The following ANKRD11 variants were observed in gnomAD, a reference collection of about 807,000 sequenced individuals.
ANKRD11 encodes the protein ankyrin repeat domain-containing protein 11.
ANKRD11 carries 17 observed loss-of-function variants against 195.7 expected under a neutral mutation model. The observed-to-expected ratio is 0.09, with a 90% confidence interval of 0.06 to 0.13. The LOEUF (loss-of-function observed/expected upper bound fraction) is 0.13. Among genes scored for constraint, ANKRD11 ranks in the 10% least tolerant of loss-of-function variants. ANKRD11 has a pLI of 1.00. For missense variants in ANKRD11, 3,735 were observed against 3,566.1 expected, an observed-to-expected ratio of 1.05 and a Z score of -1.21; for synonymous variants, 1,953 against 1,528.1, an observed-to-expected ratio of 1.28 and a Z score of -6.49.
intron 1 of ANKRD11, among the ~76,000 whole-genome samples, chr16:89,441,754 G>A (rs927619142): frequency 1.8e-4 from 19 of 106,558 alleles, no homozygotes; most frequent in African/African-American, 2.3e-4. Context: ...GCAACAGAGC[G>A]AGACTCCGCC....
At chr16:89,443,405 G>C (rs1392249595) in intron 1 of ANKRD11, 4 of 152,080 alleles carry the variant, frequency 2.6e-5, no homozygotes, top group Non-Finnish European at 2.9e-5. Flanking sequence ...ATGCAAATTT[G>C]TGAAGCATTC....
rs1397864419 is a variant in ANKRD11 at position 89,337,650 on chromosome 16, C to T, written c.-59-20572G>A. ...AGAGATGGGGTTTCACCGTGTTAGC[C>T]AGGATGGTCTCAATCTCCTGACCTC... On this transcript the variant is annotated intron_variant, in intron 2 of 12. Coordinates refer to ENST00000301030, the MANE Select transcript of ANKRD11 (RefSeq NM_013275.6). 2.0e-5 allele frequency among the ~76,000 whole-genome samples: 3 copies of T among 151,988 alleles called. No individual in the cohort carries two copies. In the East Asian group the frequency reaches 5.8e-4, roughly 29 times the overall value.
At chr16:89,468,462 T>C (rs951241601) in intron 1 of ANKRD11, among the ~76,000 whole-genome samples, 2 of 152,126 alleles carry the variant, frequency 1.3e-5, no homozygotes, top group Non-Finnish European at 2.9e-5. Context: ...CCCAGGACTT[T>C]GGGAGGCTGA....
At chr16:89,349,471 C>G (rs1217872713) in intron 2 of ANKRD11, among the ~76,000 whole-genome samples, 3 of 152,192 alleles carry the variant, frequency 2.0e-5, no homozygotes, top group Admixed American at 2.0e-4. Context: ...CAGAGCGAGA[C>G]TCATCTCAAA....
chr16:89,284,161 A>G lies in ANKRD11; in HGVS notation c.2381T>C (p.Ile794Thr), dbSNP rs759272573. 2 of 1,604,106 alleles carry G rather than the reference A, an allele frequency of 1.2e-6. No individual in the cohort carries two copies. Among genetic ancestry groups the G allele is most frequent in the Admixed American group, 3.4e-5 (2 of 58,194 alleles). The change falls in exon 9 of 13, where the codon ATT (isoleucine) becomes ACT (threonine). Residue 794 changes from isoleucine to threonine, a missense_variant. Ile to Thr is a moderately conservative substitution (Grantham distance 89). Coordinates refer to ENST00000301030, the MANE Select transcript of ANKRD11 (RefSeq NM_013275.6). ...GAGTTTTTCTTTATCTTCTTTAAAAATCTTCTCCTTCTCTTTTGAAATTTT... is the reference window on the plus strand; with the variant it reads ...GAGTTTTTCTTTATCTTCTTTAAAAGTCTTCTCCTTCTCTTTTGAAATTTT... Reference protein sequence around the residue: ...EDKISKEKEKIFKEDKEKLKK... With the variant: ...EDKISKEKEKTFKEDKEKLKK...
In ANKRD11 at chr16:89,291,577, T is replaced by C; in HGVS notation, c.227-394A>G. The C allele has an allele frequency of 1.1e-6, 1 of 937,904 alleles. No homozygotes were observed. Among genetic ancestry groups the C allele is most frequent in the Non-Finnish European group, 1.5e-6 (1 of 662,836 alleles). The allele number at this position is 937,904 out of a possible 1,614,324, so 58.1% of individuals were successfully genotyped here. On this transcript the variant is annotated intron_variant, in intron 4 of 12. Transcript: ENST00000301030. This position sits in a 1 kb window ranked among gnomAD's most constrained non-coding sequence, Gnocchi z 5.3. The stretch of plus-strand genomic sequence containing the variant: ...TCTGTTCAATACACGTGTCTGTAAT[T>C]CAATTCCACCTTCCCCGTCCCTCCT...
At chr16:89,293,845 C>T (rs2035241470) in intron 4 of ANKRD11, among the ~76,000 whole-genome samples, 1 of 151,962 alleles carries the variant, frequency 6.6e-6, no homozygotes, top group African/African-American at 2.4e-5. Flanking sequence ...TCAAAGGACC[C>T]TAGGAGGCGT....
At chr16:89,432,469 C>T (rs182354454) in intron 1 of ANKRD11, among the ~76,000 whole-genome samples, 3 of 152,172 alleles carry the variant, frequency 2.0e-5, no homozygotes, top group Admixed American at 1.3e-4. Flanking sequence ...TCTGAGCAAC[C>T]GCAAACACCT....
chr16:89,279,993 C>A lies in ANKRD11; in HGVS notation c.6549G>T (p.Val2183=), dbSNP rs769271809. The change falls in exon 9 of 13, where the codon GTG becomes GTT. Residue 2183 remains valine (V), a synonymous_variant. Coordinates refer to ENST00000301030, the MANE Select transcript of ANKRD11 (RefSeq NM_013275.6). The surrounding 1 kb of genome is among the most constrained non-coding windows in gnomAD (Gnocchi z 5.6). ...VINGGDVSTV[V]AEEPPALPPD... is the part of the protein sequence containing the mutation. The stretch of plus-strand genomic sequence containing the variant: ...GAGGCAGTGCCGGCGGCTCCTCAGC[C>A]ACTACGGTGGAAACATCCCCACCGT... The A allele has an allele frequency of 6.2e-7, 1 of 1,612,040 alleles. No individual in the cohort carries two copies. Among genetic ancestry groups the A allele is most frequent in the Admixed American group, 1.7e-5 (1 of 60,030 alleles).
intron 2 of ANKRD11, among the ~76,000 whole-genome samples, chr16:89,349,277 C>T (rs1440173974): frequency 6.6e-6 from 1 of 151,672 alleles, no homozygotes; most frequent in Non-Finnish European, 1.5e-5. Flanking sequence ...GCCTGTAATC[C>T]CAGCACTTTG....
chr16:89,300,619 T>G (rs1231445388), intron 4 of ANKRD11: 2 of 476,760 alleles, frequency 4.2e-6, no homozygotes, highest in African/African-American at 2.0e-5. Context: ...CAGATACCAG[T>G]GGCTAAGTCT....
At chr16:89,381,365 G>A (rs1392381999) in intron 2 of ANKRD11, among the ~76,000 whole-genome samples, 2 of 145,936 alleles carry the variant, frequency 1.4e-5, no homozygotes, top group African/African-American at 2.6e-5. Flanking sequence ...GGGGTGAGAA[G>A]GGCAAGCAAG....
chr16:89,449,604 A>T (rs1294815852), intron 1 of ANKRD11, among the ~76,000 whole-genome samples: 2 of 151,832 alleles, frequency 1.3e-5, no homozygotes, highest in Non-Finnish European at 2.9e-5. Flanking sequence ...GACCAGCCTG[A>T]CCAACATGGA....
intron 2 of ANKRD11, among the ~76,000 whole-genome samples, chr16:89,377,973 T>G (rs551600055): frequency 6.6e-6 from 1 of 152,196 alleles, no homozygotes; most frequent in Non-Finnish European, 1.5e-5. Flanking sequence ...GTAAACATAT[T>G]TTCTCTTCCT....
intron 11 of ANKRD11, 94 bp from the exon 12 acceptor site, chr16:89,271,003 A>G: frequency 8.5e-7 from 1 of 1,173,446 alleles, no homozygotes; most frequent in Non-Finnish European, 1.3e-6. Flanking sequence ...GACCGTTCTC[A>G]AGGGACAACC....
chr16:89,469,807 G>A (rs1294272574), intron 1 of ANKRD11, among the ~76,000 whole-genome samples: 1 of 43,744 alleles, frequency 2.3e-5, no homozygotes, highest in African/African-American at 1.0e-4. Flanking sequence ...GCTGAGGCAG[G>A]AGAATGGCGT....
chr16:89,403,286 G>A (rs911491842), intron 2 of ANKRD11, among the ~76,000 whole-genome samples: 1 of 152,178 alleles, frequency 6.6e-6, no homozygotes, highest in Non-Finnish European at 1.5e-5. Context: ...CACATGTTGT[G>A]AGCAATCCTG....
In ANKRD11 at chr16:89,280,957, A is replaced by C. The variant is rs2034177486; in HGVS notation, c.5585T>G (p.Val1862Gly). 2 of 1,573,494 alleles carry C rather than the reference A, an allele frequency of 1.3e-6. No individual in the cohort carries two copies. The highest frequency in any genetic ancestry group is 2.3e-5 in the South Asian group (2 of 85,772). The change falls in exon 9 of 13, where the codon GTC becomes GGC. Residue 1862 changes from valine (V) to glycine (G), a missense_variant. Physicochemically the swap from Val to Gly is moderately radical, Grantham distance 109. Transcript: ENST00000301030. ...AGCCGGTGGGCAGTGCAAAGCGTCG[A>C]CTTTGGGCGACGGGAGGCCATAGTC... is the stretch of plus-strand genomic sequence containing the variant. Reference protein sequence around the residue: ...SPDYGLPSPKVDALHCPPAAV... With the variant: ...SPDYGLPSPKGDALHCPPAAV...
chr16:89,405,000 G>C (rs966418743), intron 2 of ANKRD11, among the ~76,000 whole-genome samples: 1 of 152,042 alleles, frequency 6.6e-6, no homozygotes, highest in Non-Finnish European at 1.5e-5. Flanking sequence ...CTTCCAAAAA[G>C]AAACATCTAA....
Sources: gnomAD v4.1 joint callset for allele counts (sites outside exome capture counted in the v4.1 genomes callset) on GRCh38, gnomAD v4.1.1 for gene constraint, Gnocchi (gnomAD v3.1) non-coding constraint, MANE v1.5 for transcripts, NCBI Gene and HGNC (gene_info 2026-07-23, HGNC 2026-07-21) for gene names.